The following PIH1D2 variants were observed in gnomAD, a reference collection of about 807,000 sequenced individuals.
PIH1D2 encodes the protein PIH1 domain containing 2.
Under a neutral mutation model 31.2 loss-of-function variants are expected in PIH1D2, and 25 were observed. That is an observed-to-expected ratio of 0.80 (90% CI 0.58 to 1.12). PIH1D2 has a LOEUF of 1.12. PIH1D2 is among the 50% of genes most tolerant of loss of function. The probability of loss-of-function intolerance (pLI) is 0.00; values close to 1 mark genes in which losing one functional copy is unlikely to be tolerated. For missense variants in PIH1D2, 310 were observed against 356.6 expected, an observed-to-expected ratio of 0.87 and a Z score of 1.05; for synonymous variants, 116 against 119.9, an observed-to-expected ratio of 0.97 and a Z score of 0.21.
At chr11:112,073,307 T>C in intron 1 of PIH1D2, 102 bp from the exon 2 acceptor site, 4 of 762,910 alleles carry the variant, frequency 5.2e-6, no homozygotes, top group African/African-American at 1.8e-5. Flanking sequence ...TTGGTGAAGT[T>C]AGGACAGCAT....
chr11:112,064,504 A>T (rs1864832815), downstream of PIH1D2: 1 of 299,386 alleles, frequency 3.3e-6, no homozygotes, highest in South Asian at 7.8e-5. Flanking sequence ...TTGAGTTTAT[A>T]TAATTGGCAA....
At position 112,070,419 on chromosome 11, in the gene PIH1D2, T is replaced by C; in HGVS notation, c.813+17A>G. On this transcript the variant is annotated intron_variant, in intron 5 of 5. Transcript: ENST00000280350. Reference sequence around the variant, plus strand: ...TGCTGGCCAATACAAATTTACAGTGTTATCTATTCAACTTACCTCAGAAAC... The same window carrying C: ...TGCTGGCCAATACAAATTTACAGTGCTATCTATTCAACTTACCTCAGAAAC... 1 of 1,608,710 alleles carries C rather than the reference T, an allele frequency of 6.2e-7. No homozygotes were observed. Among genetic ancestry groups the C allele is most frequent in the Non-Finnish European group, 8.5e-7 (1 of 1,175,916 alleles).
chr11:112,059,984 A>G, downstream of PIH1D2: 2 of 1,614,052 alleles, frequency 1.2e-6, no homozygotes, highest in Non-Finnish European at 1.7e-6. Context: ...CACATATAAA[A>G]GGAGTGGAAA....
In PIH1D2 at chr11:112,073,171, C is replaced by G. The variant is rs940655083; in HGVS notation, c.4G>C (p.Glu2Gln). Residue 2 changes from glutamate to glutamine, a missense_variant, in exon 2 of 6, where the codon GAG becomes CAG. Physicochemically the swap from Glu to Gln is conservative, Grantham distance 29 (BLOSUM62 2). Transcript: ENST00000280350. ...GTAAGCAGACCTTTTGAGGATGTCT[C>G]CATGACTTATGAGTGGTGAATAATT... M[E>Q]TSSKGLLTQV... 2.5e-6 allele frequency: 4 copies of G among 1,605,940 alleles called. No individual in the cohort carries two copies. The African/African-American group carries it at 5.4e-5, about 22-fold the overall frequency.
downstream of PIH1D2, chr11:112,062,516 C>T (rs781960252): frequency 5.6e-6 from 9 of 1,612,478 alleles, no homozygotes. Context: ...CTTGAAAAAC[C>T]TATCACTATG....
At chr11:112,069,745 AGC>A in intron 5 of PIH1D2, 1 of 152,226 alleles carries the variant, frequency 6.6e-6, no homozygotes, top group Non-Finnish European at 1.5e-5. Flanking sequence ...CCAGAAAAGG[AGC>A]CCTCACAATG....
downstream of PIH1D2, among the ~76,000 whole-genome samples, chr11:112,059,191 C>G (rs1259498502): frequency 1.3e-5 from 2 of 152,094 alleles, no homozygotes. Context: ...AAACTACTTG[C>G]AGAGACTCAA....
intron 5 of PIH1D2, 29 bp downstream of exon 5, chr11:112,070,401 CAATACA>C: frequency 6.3e-7 from 1 of 1,596,930 alleles, no homozygotes; most frequent in East Asian, 2.2e-5. Context: ...GAATGCTGGC[CAATACA>C]AATTTACAGT....
chr11:112,070,223 G>A (rs1865065661), intron 5 of PIH1D2: 1 of 630,280 alleles, frequency 1.6e-6, no homozygotes. Context: ...TCATGTCTGA[G>A]TAGAAGTATT....
downstream of PIH1D2, among the ~76,000 whole-genome samples, chr11:112,064,842 A>T (rs1314921440): frequency 2.2e-5 from 3 of 134,938 alleles, no homozygotes; most frequent in Non-Finnish European, 4.7e-5. Context: ...TGGTCTCCAA[A>T]TTTTTTTTTT....
chr11:112,060,938 C>T (rs782100509), downstream of PIH1D2: 12 of 1,087,640 alleles, frequency 1.1e-5, no homozygotes, highest in African/African-American at 1.6e-5. Context: ...TTCTTAAGAC[C>T]TTGCACCTTT....
At chr11:112,054,771 G>C in the PIH1D2 span, among the ~76,000 whole-genome samples, 1 of 152,146 alleles carries the variant, frequency 6.6e-6, no homozygotes, top group Non-Finnish European at 1.5e-5. Flanking sequence ...CTGAAATCAG[G>C]GTTTCAGCAG....
chr11:112,053,828 T>G, the PIH1D2 span, among the ~76,000 whole-genome samples: 1 of 152,208 alleles, frequency 6.6e-6, no homozygotes, highest in Non-Finnish European at 1.5e-5. Context: ...ATTTTTCTGT[T>G]GCCTTTTATG....
downstream of PIH1D2, chr11:112,062,668 A>G (rs953516665): frequency 7.5e-6 from 8 of 1,067,822 alleles, no homozygotes; most frequent in African/African-American, 1.6e-5. Flanking sequence ...CAGATAAGTT[A>G]TTTATAATGG....
At chr11:112,069,600 G>C (rs2135209843) in intron 5 of PIH1D2, 1 of 152,284 alleles carries the variant, frequency 6.6e-6, no homozygotes, top group Non-Finnish European at 1.5e-5. Context: ...GGCCAAGGTG[G>C]ATAGTGGGAA....
In PIH1D2 at chr11:112,073,015, G is replaced by C; in HGVS notation, c.160C>G (p.Leu54Val). Residue 54 changes from leucine to valine, a missense_variant, in exon 2 of 6, where the codon CTA becomes GTA. By Grantham distance (32) the Leu-to-Val change is conservative. Transcript: ENST00000280350. ...CGACATACCAGAATCCTGGTCTGTAGACAAAGCTGTGGTTCTGGGGCAGCA... is the reference window on the plus strand; with the variant it reads ...CGACATACCAGAATCCTGGTCTGTACACAAAGCTGTGGTTCTGGGGCAGCA... ...LCAAPEPQLC[L>V]QTRILKPKEK... 6.2e-7 allele frequency: 1 copy of C among 1,612,400 alleles called. No individual in the cohort carries two copies. The highest frequency in any genetic ancestry group is 2.2e-5 in the East Asian group (1 of 44,854).
chr11:112,068,765 T>C (rs587776239), intron 5 of PIH1D2, among the ~76,000 whole-genome samples: 1 of 151,820 alleles, frequency 6.6e-6, no homozygotes, highest in African/African-American at 2.4e-5. Context: ...GCCTGGGCAA[T>C]AGAGTGAGAC....
At chr11:112,062,553 A>G (rs1241425902), downstream of PIH1D2, 2 of 1,611,638 alleles carry the variant, frequency 1.2e-6, no homozygotes, top group East Asian at 4.5e-5. Context: ...AAGAATTTCT[A>G]AACTCTCCCA....
At chr11:112,069,383 C>T (rs1298988288) in intron 5 of PIH1D2, among the ~76,000 whole-genome samples, 1 of 152,034 alleles carries the variant, frequency 6.6e-6, no homozygotes, top group Non-Finnish European at 1.5e-5. Context: ...TCTAAAGAGA[C>T]AGGTAAGTCT....
Sources: gnomAD v4.1 joint callset for allele counts (sites outside exome capture counted in the v4.1 genomes callset) on GRCh38, gnomAD v4.1.1 for gene constraint, MANE v1.5 for transcripts, NCBI Gene and HGNC (gene_info 2026-07-23, HGNC 2026-07-21) for gene names.